Variants in ADAP1 observed in about 807,000 individuals in gnomAD.
ADAP1 encodes the protein arf-GAP with dual PH domain-containing protein 1.
ADAP1 carries 31 observed loss-of-function variants against 54.9 expected under a neutral mutation model. The observed-to-expected ratio is 0.56, with a 90% CI of 0.42 to 0.76. The LOEUF is 0.76. ADAP1 is among the 30% of genes least tolerant of loss of function. ADAP1 has a pLI of 0.00. For synonymous variants in ADAP1, 313 were observed against 202.6 expected, an observed-to-expected ratio of 1.55 and a Z score of -4.63; for missense variants, 535 against 512.4, an observed-to-expected ratio of 1.04 and a Z score of -0.42.
chr7:914,060 C>G (rs1381666638), intron 4 of ADAP1, among the ~76,000 whole-genome samples: 1 of 152,274 alleles, frequency 6.6e-6, no homozygotes, highest in Non-Finnish European at 1.5e-5. Flanking sequence ...ACACACAGGA[C>G]ATCTGGGGCC....
At chr7:916,452 C>T (rs570557440) in intron 4 of ADAP1, among the ~76,000 whole-genome samples, 23 of 152,322 alleles carry the variant, frequency 1.5e-4, no homozygotes, top group Admixed American at 3.9e-4. Context: ...CCTGTGGTCA[C>T]GCCAGCCCAG....
intron 2 of ADAP1, among the ~76,000 whole-genome samples, chr7:933,125 G>C (rs1846635053): frequency 6.6e-6 from 1 of 151,996 alleles, no homozygotes; most frequent in Non-Finnish European, 1.5e-5. Flanking sequence ...ACGAAAATTA[G>C]CCGGGCGTGG....
chr7:919,942 GCCCCA>G, intron 4 of ADAP1, 21 bp downstream of exon 4: 1 of 1,581,688 alleles, frequency 6.3e-7, no homozygotes, highest in South Asian at 1.1e-5. Context: ...TAGCCGGGAG[GCCCCA>G]CCCCACCCGG....
rs546933002 is a variant in ADAP1, at chr7:898,767, G to C, written c.*154C>G. The C allele has an allele frequency of 2.1e-6, 2 of 972,900 alleles. No individual in the cohort carries two copies. The highest frequency in any genetic ancestry group is 3.2e-5 in the African/African-American group (2 of 61,640). 60.3% of individuals were successfully genotyped at this position (972,900 alleles called of 1,614,324 possible). A position where few individuals can be genotyped will look rare whatever the true frequency, so the allele number is the denominator to read the frequency against. On this transcript the variant is annotated 3_prime_UTR_variant, in exon 11 of 11. Transcript: ENST00000265846. ...CCTTGAGGTTCCAGAGAAGCATCCT[G>C]GAAGCTGAAGCTCGGGCCCTACCTG...
chr7:916,757 G>A (rs1250238509), intron 4 of ADAP1, among the ~76,000 whole-genome samples: 2 of 150,292 alleles, frequency 1.3e-5, no homozygotes, highest in African/African-American at 4.9e-5. Flanking sequence ...AGTGGGGGTT[G>A]GGGGGGCAGG....
At chr7:943,872 GAGAGA>G (rs1378616368) in intron 1 of ADAP1, among the ~76,000 whole-genome samples, 10 of 151,298 alleles carry the variant, frequency 6.6e-5, no homozygotes, top group South Asian at 6.3e-4. Context: ...AGGAGGAAGA[GAGAGA>G]AGAGGAGAAA....
At chr7:917,506 C>G (rs1309092849) in intron 4 of ADAP1, among the ~76,000 whole-genome samples, 1 of 152,178 alleles carries the variant, frequency 6.6e-6, no homozygotes, top group Non-Finnish European at 1.5e-5. Context: ...GCTCTGCCGC[C>G]CAGGCTGGAG....
intron 3 of ADAP1, among the ~76,000 whole-genome samples, chr7:924,081 C>T (rs1224452709): frequency 9.8e-4 from 53 of 54,048 alleles, no homozygotes; most frequent in Middle Eastern, 0.017. Context: ...TGCAGGTCCA[C>T]GCTGCACCCC....
At position 938,397 on chromosome 7, in the gene ADAP1, G is replaced by A. The variant is rs918112556; in HGVS notation, c.83-2892C>T. On this transcript the variant is annotated intron_variant, in intron 1 of 10. Coordinates refer to ENST00000265846, the MANE Select transcript of ADAP1 (RefSeq NM_006869.4). The surrounding 1 kb of genome is among the most constrained non-coding windows in gnomAD (Gnocchi z 4.4). ...AAGTCTCTCTATGTTGCCCAGCTTGGGCTTGAACTCCTGGGCTCAAGCGAT... is the reference window on the plus strand; with the variant it reads ...AAGTCTCTCTATGTTGCCCAGCTTGAGCTTGAACTCCTGGGCTCAAGCGAT... 2.0e-5 allele frequency among the ~76,000 whole-genome samples: 3 copies of A among 152,034 alleles called. No individual in the cohort carries two copies. The highest frequency in any genetic ancestry group is 4.8e-5 in the African/African-American group (2 of 41,378).
rs1412995383 is a variant in ADAP1, at chr7:927,159, A to AG, written c.214-516dup. On this transcript the variant is annotated intron_variant, in intron 2 of 10. Transcript: ENST00000265846. ...GACAGAGTCTCTGAGGGGACTCTGC[A>AG]GGGACACACTGCAGGGACCCAGAAC... 5 of 1,302,788 alleles carry AG rather than the reference A, an allele frequency of 3.8e-6. No individual in the cohort carries two copies. In the African/African-American group the frequency reaches 7.6e-5, roughly 20 times the overall value. The allele number at this position is 1,302,788 out of a possible 1,614,324, so 80.7% of individuals were successfully genotyped here.
At position 926,258 on chromosome 7, in the gene ADAP1, G is replaced by T. The variant is rs1469548932; in HGVS notation, c.305+295C>A. Among the ~76,000 whole-genome samples the T allele has an allele frequency of 6.6e-6, 1 of 151,362 alleles. No individual in the cohort carries two copies. The highest frequency in any genetic ancestry group is 2.4e-5 in the African/African-American group (1 of 41,192). Reference sequence around the variant, plus strand: ...CCAGACCGCCAGGAGCACCTGGGAGGGCCCCTCAGATCCACCCGAGACCCC... The same window carrying T: ...CCAGACCGCCAGGAGCACCTGGGAGTGCCCCTCAGATCCACCCGAGACCCC... On this transcript the variant is annotated intron_variant, in intron 3 of 10. Transcript: ENST00000265846. This position sits in a 1 kb window ranked among gnomAD's most constrained non-coding sequence, Gnocchi z 4.6.
chr7:951,963 G>A lies in ADAP1; in HGVS notation c.82+2433C>T, dbSNP rs528967810. 5.8e-4 allele frequency among the ~76,000 whole-genome samples: 89 copies of A among 152,268 alleles called. 1 individual carries two copies. The South Asian group carries it at 0.015, about 26-fold the overall frequency. On this transcript the variant is annotated intron_variant, in intron 1 of 10. Transcript: ENST00000265846. ...ATGACAGGCGTGAGCCACCGCGCCC[G>A]GTCCCTGTCCTCTGTTGCGATTTGG...
chr7:922,805 C>G (rs1420204636), intron 3 of ADAP1, among the ~76,000 whole-genome samples: 1 of 150,916 alleles, frequency 6.6e-6, no homozygotes, highest in African/African-American at 2.4e-5. Context: ...TGTTCACGCC[C>G]CCGCCCACAC....
chr7:940,330 T>TCACACACACA (rs56715852), intron 1 of ADAP1, among the ~76,000 whole-genome samples: 29 of 140,612 alleles, frequency 2.1e-4, no homozygotes, highest in African/African-American at 7.3e-4. Context: ...ACAGACCCTG[T>TCACACACACA]CACACACACA....
At chr7:918,230 T>C (rs941719074) in intron 4 of ADAP1, among the ~76,000 whole-genome samples, 6 of 152,082 alleles carry the variant, frequency 3.9e-5, no homozygotes, top group Non-Finnish European at 8.8e-5. Context: ...CCCTTTTTTG[T>C]TTCTAAGACA....
At chr7:913,710 G>A (rs185470020) in intron 4 of ADAP1, among the ~76,000 whole-genome samples, 2,268 of 152,076 alleles carry the variant, frequency 0.015, 45 homozygotes, top group African/African-American at 0.048. Flanking sequence ...CGAGGCGGGC[G>A]GGTCACCTGA....
intron 3 of ADAP1, among the ~76,000 whole-genome samples, chr7:922,682 G>C (rs1583164800): frequency 6.7e-6 from 1 of 149,004 alleles, no homozygotes; most frequent in South Asian, 2.1e-4. Context: ...TGGAGGCTTT[G>C]CCTCTTGCGA....
At chr7:917,294 T>G (rs1178117098) in intron 4 of ADAP1, among the ~76,000 whole-genome samples, 3 of 14,436 alleles carry the variant, frequency 2.1e-4, no homozygotes, top group Non-Finnish European at 2.4e-4. Flanking sequence ...ACCGGGGAGG[T>G]GCACGGGAGG....
At chr7:902,451 TCTGC>T in intron 6 of ADAP1, among the ~76,000 whole-genome samples, 1 of 93,332 alleles carries the variant, frequency 1.1e-5, no homozygotes, top group Non-Finnish European at 2.0e-5. Context: ...AGGGCGAAAC[TCTGC>T]CTCAAAAAAA....
Sources: allele counts gnomAD v4.1 joint callset (sites outside exome capture counted in the v4.1 genomes callset), GRCh38; gene constraint gnomAD v4.1.1; non-coding constraint Gnocchi (gnomAD v3.1); transcripts MANE v1.5; gene names NCBI Gene and HGNC (gene_info 2026-07-23, HGNC 2026-07-21).